Variants in ADD2 observed in about 807,000 individuals in gnomAD.
ADD2 encodes the protein adducin 2.
In ADD2, 23 loss-of-function variants were observed where a neutral mutation model predicts 83.0. The ratio of observed to expected loss-of-function variants is 0.28; its 90% CI spans 0.20 to 0.39. The LOEUF is 0.39. Ranked by LOEUF, ADD2 falls within the 10% of genes least tolerant of loss-of-function variation. The pLI, the probability that ADD2 is intolerant of heterozygous loss-of-function variation, is 1.00. For synonymous variants in ADD2, 375 were observed against 375.4 expected (o/e 1.00, Z 0.01); for missense variants, 758 against 944.9 (o/e 0.80, Z 2.59).
intron 3 of ADD2, among the ~76,000 whole-genome samples, chr2:70,705,272 C>T (rs1182516191): frequency 6.6e-6 from 1 of 152,192 alleles, no homozygotes; most frequent in Non-Finnish European, 1.5e-5. Context: ...AATATCTGGG[C>T]ACAGATATTG....
intron 12 of ADD2, 37 bp downstream of exon 12, chr2:70,677,721 G>A (rs1366430521): frequency 1.2e-6 from 2 of 1,605,494 alleles, no homozygotes; most frequent in East Asian, 2.2e-5. Context: ...CCCCCAGTGT[G>A]GGAGAAGAAA....
intron 1 of ADD2, among the ~76,000 whole-genome samples, chr2:70,745,065 T>A (rs1443439831): frequency 9.2e-5 from 14 of 151,962 alleles, no homozygotes; most frequent in Admixed American, 6.5e-4. Context: ...GGCGGGCGGA[T>A]CTTGAGGTCA....
In ADD2 at chr2:70,704,681, C is replaced by T. The variant is rs181334879; in HGVS notation, c.184-222G>A. The stretch of plus-strand genomic sequence containing the variant: ...TGGGAATGGATCTTGTGTTCCCTTG[C>T]CCTGTGGGCAGTAATCCAGATTCCA... On this transcript the variant is annotated intron_variant, in intron 3 of 15. Transcript: ENST00000264436. Among the ~76,000 whole-genome samples the T allele has an allele frequency of 1.6e-3, 243 of 152,334 alleles. 4 individuals are homozygous for T. The highest frequency in any genetic ancestry group is 6.9e-4 in the Non-Finnish European group (47 of 68,032).
In ADD2 at chr2:70,660,742, C is replaced by T. The variant is rs901752983; in HGVS notation, c.*2683G>A. ...TGCGTCCACACCTTTGCACATTCTT[C>T]CCTCATTGTGGCATGCCCTGCCAAT... is the stretch of plus-strand genomic sequence containing the variant. On this transcript the variant is annotated 3_prime_UTR_variant, in exon 16 of 16. Transcript: ENST00000264436. The T allele has an allele frequency of 6.6e-6, 1 of 152,212 alleles. No individual in the cohort carries two copies. Among genetic ancestry groups the T allele is most frequent in the Non-Finnish European group, 1.5e-5 (1 of 68,058 alleles). 9.4% of individuals were successfully genotyped at this position (152,212 alleles called of 1,614,324 possible).
chr2:70,759,138 G>GA, intron 1 of ADD2, among the ~76,000 whole-genome samples: 1 of 152,162 alleles, frequency 6.6e-6, no homozygotes, highest in Admixed American at 6.5e-5. Context: ...TTCACAGCTG[G>GA]AAAAAAGGCA....
At chr2:70,733,628 G>C (rs1673386043) in intron 1 of ADD2, among the ~76,000 whole-genome samples, 1 of 152,170 alleles carries the variant, frequency 6.6e-6, no homozygotes, top group African/African-American at 2.4e-5. Flanking sequence ...TGCAGATTTG[G>C]CTGAGTACCT....
rs1303601453 is a variant in ADD2 at position 70,660,682 on chromosome 2, C to A, written c.*2743G>T. 6.6e-6 allele frequency: 1 copy of A among 152,268 alleles called. No individual in the cohort carries two copies. The highest frequency in any genetic ancestry group is 1.5e-5 in the Non-Finnish European group (1 of 68,072). 9.4% of individuals were successfully genotyped at this position (152,268 alleles called of 1,614,324 possible). A position where few individuals can be genotyped will look rare whatever the true frequency, so the allele number is the denominator to read the frequency against. On this transcript the variant is annotated 3_prime_UTR_variant, in exon 16 of 16. Transcript: ENST00000264436. ...GCTTCCACATCATGCTCTGGCAATGCCACGTTGCTCAGCGGAACCCATCAT... is the reference window on the plus strand; with the variant it reads ...GCTTCCACATCATGCTCTGGCAATGACACGTTGCTCAGCGGAACCCATCAT...
intron 1 of ADD2, among the ~76,000 whole-genome samples, chr2:70,748,136 TAGTTTTTCTC>T (rs1674326195): frequency 6.6e-6 from 1 of 152,122 alleles, no homozygotes; most frequent in African/African-American, 2.4e-5. Context: ...AACCTCCATA[TAGTTTTTCTC>T]CTGGGACACC....
chr2:70,696,156 C>T, intron 5 of ADD2, 89 bp downstream of exon 5: 1 of 1,510,066 alleles, frequency 6.6e-7, no homozygotes, highest in Non-Finnish European at 9.0e-7. Flanking sequence ...CCAGCAGTGC[C>T]ATGGCCATGC....
chr2:70,679,289 C>G (rs566033487), intron 10 of ADD2, among the ~76,000 whole-genome samples: 2 of 152,316 alleles, frequency 1.3e-5, no homozygotes, highest in South Asian at 4.2e-4. Context: ...CCAGCCCTGG[C>G]TGTACACTAG....
At chr2:70,671,062 C>A (rs1020079982) in intron 15 of ADD2, among the ~76,000 whole-genome samples, 7 of 152,180 alleles carry the variant, frequency 4.6e-5, no homozygotes, top group African/African-American at 1.4e-4. Flanking sequence ...TCCTCTCCAG[C>A]CCTGGATTTC....
intron 1 of ADD2, among the ~76,000 whole-genome samples, chr2:70,725,599 T>C (rs1373964425): frequency 1.3e-5 from 2 of 151,942 alleles, no homozygotes; most frequent in Admixed American, 6.6e-5. Context: ...GATGGCCCTG[T>C]GAAGATGGAG....
At chr2:70,669,639 T>C (rs1458111390) in intron 15 of ADD2, among the ~76,000 whole-genome samples, 1 of 152,204 alleles carries the variant, frequency 6.6e-6, no homozygotes, top group Admixed American at 6.5e-5. Flanking sequence ...CCTCCGGGTA[T>C]CCACACTGAA....
At position 70,696,307 on chromosome 2, in the gene ADD2, T is replaced by A; in HGVS notation, c.412A>T (p.Ser138Cys). The change falls in exon 5 of 16, where the codon AGC becomes TGC. Residue 138 changes from serine (S) to cysteine (C), a missense_variant. By Grantham distance (112) the Ser-to-Cys change is moderately radical. Transcript: ENST00000264436. ...AGGTCCAGGAGTCGGTAGACACTGCTGATCTTGCACCGCATGAGCCGCTCC... is the reference window on the plus strand; with the variant it reads ...AGGTCCAGGAGTCGGTAGACACTGCAGATCTTGCACCGCATGAGCCGCTCC... ...KGERLMRCKI[S>C]SVYRLLDLYG... The A allele has an allele frequency of 6.2e-7, 1 of 1,613,982 alleles. No individual in the cohort carries two copies. Among genetic ancestry groups the A allele is most frequent in the East Asian group, 2.2e-5 (1 of 44,878 alleles).
At chr2:70,747,152 A>G (rs1423608341) in intron 1 of ADD2, among the ~76,000 whole-genome samples, 1 of 151,878 alleles carries the variant, frequency 6.6e-6, no homozygotes, top group Non-Finnish European at 1.5e-5. Flanking sequence ...CTGGGACTAC[A>G]GGCACCCGCC....
chr2:70,739,471 T>G (rs188791707), intron 1 of ADD2, among the ~76,000 whole-genome samples: 82 of 152,316 alleles, frequency 5.4e-4, no homozygotes, highest in Non-Finnish European at 1.0e-3. Flanking sequence ...GAAAGCAGTG[T>G]GGTGATTCCT....
intron 1 of ADD2, among the ~76,000 whole-genome samples, chr2:70,748,055 G>C (rs3821250): frequency 0.27 from 40,640 of 151,780 alleles, 5,984 homozygotes; most frequent in East Asian, 0.57. Flanking sequence ...GGAAAAACAA[G>C]TGTTTTTTTA....
chr2:70,745,472 A>G (rs1487929743), intron 1 of ADD2, among the ~76,000 whole-genome samples: 1 of 152,138 alleles, frequency 6.6e-6, no homozygotes, highest in African/African-American at 2.4e-5. Flanking sequence ...GAGTGTGAAC[A>G]TTGTACTTAG....
intron 1 of ADD2, among the ~76,000 whole-genome samples, chr2:70,737,041 G>T (rs529118852): frequency 6.6e-6 from 1 of 152,212 alleles, no homozygotes; most frequent in African/African-American, 2.4e-5. Context: ...TCTCACACCA[G>T]TTAGAATGGC....
Sources: allele counts gnomAD v4.1 joint callset (sites outside exome capture counted in the v4.1 genomes callset), GRCh38; gene constraint gnomAD v4.1.1; transcripts MANE v1.5; gene names NCBI Gene and HGNC (gene_info 2026-07-23, HGNC 2026-07-21).